ITPR2: variants seen among roughly 807,000 people sequenced by gnomAD.
ITPR2 encodes inositol 1,4,5-trisphosphate receptor type 2.
In ITPR2, 207 loss-of-function variants were observed where a neutral mutation model predicts 317.1. The observed-to-expected ratio is 0.65, with a 90% CI of 0.58 to 0.73. The LOEUF (loss-of-function observed/expected upper bound fraction) is 0.73. Among genes scored for constraint, ITPR2 ranks in the 30% least tolerant of loss-of-function variants. The pLI, the probability that ITPR2 is intolerant of heterozygous loss-of-function variation, is 0.00. For missense variants in ITPR2, 2,613 were observed against 3,284.0 expected (o/e 0.80, Z 4.99); for synonymous variants, 1,156 against 1,149.1 (o/e 1.01, Z -0.12).
intron 47 of ITPR2, among the ~76,000 whole-genome samples, chr12:26,437,058 C>T (rs1941369967): frequency 6.6e-6 from 1 of 152,176 alleles, no homozygotes; most frequent in Non-Finnish European, 1.5e-5. Flanking sequence ...TTAGTAAATA[C>T]ATCAATCGAA....
chr12:26,622,410 A>G lies in ITPR2; in HGVS notation c.3123-5T>C, dbSNP rs1266462446. The G allele has an allele frequency of 1.3e-6, 2 of 1,593,838 alleles. No homozygotes were observed. The highest frequency in any genetic ancestry group is 1.8e-5 in the Admixed American group (1 of 56,186). On this transcript the variant is annotated splice_region_variant and splice_polypyrimidine_tract_variant and intron_variant, in intron 24 of 56. Transcript: ENST00000381340. ...TGAACTGGATTTTTTTCTTTTCTATAAAACCAAAAACATTTCTAAAGTGAC... is the reference window on the plus strand; with the variant it reads ...TGAACTGGATTTTTTTCTTTTCTATGAAACCAAAAACATTTCTAAAGTGAC...
At chr12:26,766,927 C>A (rs1417668026) in intron 2 of ITPR2, among the ~76,000 whole-genome samples, 1 of 152,120 alleles carries the variant, frequency 6.6e-6, no homozygotes, top group Non-Finnish European at 1.5e-5. Flanking sequence ...AAAACATTAG[C>A]TAGTACGATG....
intron 48 of ITPR2, among the ~76,000 whole-genome samples, chr12:26,435,947 G>T (rs11048519): frequency 0.034 from 5,124 of 152,192 alleles, 129 homozygotes; most frequent in Non-Finnish European, 0.055. Context: ...TAAAAATGGG[G>T]TCATAATAAT....
At chr12:26,369,148 G>T (rs1939106630) in intron 55 of ITPR2, among the ~76,000 whole-genome samples, 1 of 152,222 alleles carries the variant, frequency 6.6e-6, no homozygotes. Context: ...GCCTATGAAT[G>T]GGAGGAAAGG....
At chr12:26,814,852 A>G (rs1950822432) in intron 1 of ITPR2, among the ~76,000 whole-genome samples, 1 of 152,226 alleles carries the variant, frequency 6.6e-6, no homozygotes, top group African/African-American at 2.4e-5. Context: ...TACCTTTTCA[A>G]TCCCAATGAC....
At chr12:26,808,165 C>CA (rs1486696434) in intron 1 of ITPR2, among the ~76,000 whole-genome samples, 2 of 152,184 alleles carry the variant, frequency 1.3e-5, no homozygotes, top group East Asian at 3.8e-4. Flanking sequence ...ACAAAGCCTA[C>CA]AAGAAGGAGA....
chr12:26,349,795 C>A (rs1279653681), intron 55 of ITPR2, among the ~76,000 whole-genome samples: 1 of 152,124 alleles, frequency 6.6e-6, no homozygotes, highest in South Asian at 2.1e-4. Flanking sequence ...GGCCTAGGAG[C>A]CTTCCAGGGA....
In ITPR2 at chr12:26,632,031, C is replaced by A. The variant is rs1345615493; in HGVS notation, c.2769G>T (p.Gly923=). The A allele has an allele frequency of 1.9e-6, 3 of 1,589,732 alleles. No homozygotes were observed. The African/African-American group carries it at 4.1e-5, about 22-fold the overall frequency. ...GGNNVMRTIH[G]VGEMMTQMVL... ...CCATCTGGGTCATCATCTCTCCCAC[C>A]CCATGAATGGTTCTCATCACATTGT... Residue 923 remains glycine (G), a synonymous_variant, in exon 22 of 57, where the codon GGG becomes GGT. Coordinates refer to ENST00000381340, the MANE Select transcript of ITPR2 (RefSeq NM_002223.4).
At chr12:26,787,919 A>T (rs1950281919) in intron 2 of ITPR2, among the ~76,000 whole-genome samples, 1 of 136,768 alleles carries the variant, frequency 7.3e-6, no homozygotes, top group Admixed American at 7.4e-5. Flanking sequence ...TAAGGTGACT[A>T]TCCTTTTTTT....
chr12:26,398,268 C>A (rs144876512), intron 54 of ITPR2, among the ~76,000 whole-genome samples: 5,139 of 152,082 alleles, frequency 0.034, 124 homozygotes, highest in South Asian at 0.091. Flanking sequence ...ACTGAAAATA[C>A]AAAAATTAGC....
At chr12:26,391,444 T>G (rs1939833025) in intron 54 of ITPR2, among the ~76,000 whole-genome samples, 1 of 152,038 alleles carries the variant, frequency 6.6e-6, no homozygotes, top group African/African-American at 2.4e-5. Flanking sequence ...AAGGGAACAT[T>G]TGGAGATGCA....
chr12:26,346,730 CTA>C (rs148310453), intron 55 of ITPR2, among the ~76,000 whole-genome samples: 4,057 of 152,076 alleles, frequency 0.027, 163 homozygotes, highest in African/African-American at 0.09. Context: ...GAGCACCAAT[CTA>C]TGAGTCAGGA....
intron 2 of ITPR2, among the ~76,000 whole-genome samples, chr12:26,747,025 C>A (rs1210849881): frequency 6.6e-6 from 1 of 152,088 alleles, no homozygotes; most frequent in Non-Finnish European, 1.5e-5. Flanking sequence ...AGCAATTGAC[C>A]AGATCAAGGC....
intron 2 of ITPR2, among the ~76,000 whole-genome samples, chr12:26,744,771 C>A (rs1949290986): frequency 6.6e-6 from 1 of 152,116 alleles, no homozygotes; most frequent in Non-Finnish European, 1.5e-5. Flanking sequence ...TCACTGGATT[C>A]TATTCATGAT....
intron 5 of ITPR2, among the ~76,000 whole-genome samples, chr12:26,717,417 A>G (rs1948760081): frequency 6.6e-6 from 1 of 152,228 alleles, no homozygotes; most frequent in African/African-American, 2.4e-5. Context: ...TTGAAATATA[A>G]TAGAGAAGCC....
At chr12:26,348,855 G>A (rs1225619465) in intron 55 of ITPR2, among the ~76,000 whole-genome samples, 1 of 152,000 alleles carries the variant, frequency 6.6e-6, no homozygotes, top group African/African-American at 2.4e-5. Flanking sequence ...GGGTGTGGTG[G>A]TGCACACCTA....
intron 2 of ITPR2, among the ~76,000 whole-genome samples, chr12:26,788,581 T>C (rs941874507): frequency 6.6e-6 from 1 of 152,186 alleles, no homozygotes; most frequent in Non-Finnish European, 1.5e-5. Context: ...AGTGTGCCTC[T>C]TCCACCTGGG....
chr12:26,550,294 G>T lies in ITPR2; in HGVS notation c.5026C>A (p.Gln1676Lys). 1.3e-6 allele frequency: 2 copies of T among 1,557,296 alleles called. No individual in the cohort carries two copies. The highest frequency in any genetic ancestry group is 1.8e-6 in the Non-Finnish European group (2 of 1,135,282). Reference sequence around the variant, plus strand: ...TTCTCTAACATTTCTCGTAATGTCTGAAGAATTTTAATGCACAGTTTTTCT... The same window carrying T: ...TTCTCTAACATTTCTCGTAATGTCTTAAGAATTTTAATGCACAGTTTTTCT... The part of the protein sequence containing the change: ...KEEKLCIKIL[Q>K]TLREMLEKKD... Residue 1676 changes from glutamine (Q) to lysine (K), a missense_variant, in exon 37 of 57, where the codon CAG becomes AAG. Around this residue, in one of 9 missense-constraint regions of ITPR2, gnomAD observed 926 missense variants for 1,072.8 expected, o/e 0.86. Coordinates refer to ENST00000381340, the MANE Select transcript of ITPR2 (RefSeq NM_002223.4).
chr12:26,540,073 G>T (rs1396788501), intron 37 of ITPR2, among the ~76,000 whole-genome samples: 1 of 152,066 alleles, frequency 6.6e-6, no homozygotes, highest in East Asian at 1.9e-4. Flanking sequence ...GTGGAGGGTG[G>T]GCTGGAACTG....
Sources: allele counts gnomAD v4.1 joint callset (sites outside exome capture counted in the v4.1 genomes callset), GRCh38; gene constraint gnomAD v4.1.1; regional missense constraint gnomAD v4.1.1; transcripts MANE v1.5; gene names NCBI Gene and HGNC (gene_info 2026-07-23, HGNC 2026-07-21).